The following TOX variants were observed in gnomAD, a reference collection of about 807,000 sequenced individuals.
The protein encoded by TOX is thymocyte selection-associated high mobility group box protein TOX.
TOX carries 11 observed loss-of-function variants against 53.7 expected under a neutral mutation model. The observed-to-expected ratio is 0.20, with a 90% confidence interval of 0.13 to 0.34. TOX has a LOEUF of 0.34. Among genes scored for constraint, TOX ranks in the 10% least tolerant of loss-of-function variants. The pLI is 1.00. For synonymous variants in TOX, 225 were observed against 245.3 expected (o/e 0.92, Z 0.77); for missense variants, 570 against 664.6 (o/e 0.86, Z 1.56).
chr8:58,822,710 C>T (rs532655983), intron 6 of TOX, among the ~76,000 whole-genome samples: 1 of 152,310 alleles, frequency 6.6e-6, no homozygotes, highest in South Asian at 2.1e-4. Flanking sequence ...TTAGCTGTTT[C>T]CTATGTAAGA....
At chr8:59,093,428 A>G (rs1389380712) in intron 1 of TOX, among the ~76,000 whole-genome samples, 1 of 152,244 alleles carries the variant, frequency 6.6e-6, no homozygotes, top group Non-Finnish European at 1.5e-5. Flanking sequence ...CTGAATGATT[A>G]TTAATGTACT....
rs960825033 is a variant in TOX at position 59,118,503 on chromosome 8, G to A, written c.102+383C>T. Among the ~76,000 whole-genome samples the A allele has an allele frequency of 8.5e-5, 13 of 152,112 alleles. No individual in the cohort carries two copies. The highest frequency in any genetic ancestry group is 2.9e-4 in the African/African-American group (12 of 41,438). On this transcript the variant is annotated intron_variant, in intron 1 of 8. Coordinates refer to ENST00000361421, the MANE Select transcript of TOX (RefSeq NM_014729.3). The surrounding 1 kb of genome is among the most constrained non-coding windows in gnomAD (Gnocchi z 4.1). ...CGGGGAGGGAGGGAGAGAGAAGGGG[G>A]AACTGGGAAATAAACTGAATTCTCT...
Position 59,009,344 on chromosome 8 carries a change from C to T in TOX, c.103-49336G>A, listed in dbSNP as rs1041011000. Among the ~76,000 whole-genome samples the T allele has an allele frequency of 2.7e-5, 4 of 149,974 alleles. No homozygotes were observed. In the East Asian group the frequency reaches 7.8e-4, roughly 29 times the overall value. Reference sequence around the variant, plus strand: ...CTTCTTTCCTTCCTTCCTTCCTTTCCTTCCCTCCTTTCTTTCTCTCTTTCT... The same window carrying T: ...CTTCTTTCCTTCCTTCCTTCCTTTCTTTCCCTCCTTTCTTTCTCTCTTTCT... On this transcript the variant is annotated intron_variant, in intron 1 of 8. Transcript: ENST00000361421.
At chr8:59,090,742 A>G (rs778495690) in intron 1 of TOX, among the ~76,000 whole-genome samples, 41 of 152,038 alleles carry the variant, frequency 2.7e-4, no homozygotes, top group Non-Finnish European at 5.0e-4. Context: ...CATCTCTTCA[A>G]GGCCACTAGC....
chr8:58,980,869 G>A (rs1001535337), intron 1 of TOX, among the ~76,000 whole-genome samples: 81 of 152,158 alleles, frequency 5.3e-4, no homozygotes, highest in African/African-American at 2.0e-3. Context: ...GTGAGAACTC[G>A]TTCCTGCCAG....
chr8:58,966,383 A>G (rs780706782), intron 1 of TOX, among the ~76,000 whole-genome samples: 1 of 152,160 alleles, frequency 6.6e-6, no homozygotes, highest in Non-Finnish European at 1.5e-5. Flanking sequence ...GTGCATTCCA[A>G]CTCAGGAGCA....
At chr8:58,809,090 T>C (rs1810036310) in intron 7 of TOX, among the ~76,000 whole-genome samples, 1 of 152,182 alleles carries the variant, frequency 6.6e-6, no homozygotes, top group African/African-American at 2.4e-5. Flanking sequence ...CAAAAAGCAT[T>C]CTATACTAAG....
chr8:58,879,285 C>A (rs996992858), intron 3 of TOX, among the ~76,000 whole-genome samples: 4 of 152,070 alleles, frequency 2.6e-5, no homozygotes, highest in African/African-American at 4.8e-5. Flanking sequence ...CTATGGCAAT[C>A]TATTTTAGAT....
chr8:58,920,945 G>A (rs1812062924), intron 3 of TOX, among the ~76,000 whole-genome samples: 1 of 152,102 alleles, frequency 6.6e-6, no homozygotes, highest in African/African-American at 2.4e-5. Flanking sequence ...CTTGAGATAA[G>A]ATTGTGAAGA....
intron 3 of TOX, among the ~76,000 whole-genome samples, chr8:58,933,373 G>C (rs1812289981): frequency 1.3e-5 from 2 of 152,160 alleles, no homozygotes; most frequent in Admixed American, 1.3e-4. Flanking sequence ...TTTTTCTTCA[G>C]CCATGAATAC....
At chr8:59,064,551 A>T (rs1005988080) in intron 1 of TOX, among the ~76,000 whole-genome samples, 1 of 152,252 alleles carries the variant, frequency 6.6e-6, no homozygotes, top group African/African-American at 2.4e-5. Flanking sequence ...CTAGAAATCT[A>T]TTAATGTAGT....
At chr8:58,996,773 C>G (rs764683174) in intron 1 of TOX, among the ~76,000 whole-genome samples, 19 of 152,208 alleles carry the variant, frequency 1.2e-4, no homozygotes, top group Non-Finnish European at 2.8e-4. Context: ...TTAATTAAAA[C>G]AGCAACAATG....
rs971769700 is a variant in TOX at position 59,087,801 on chromosome 8, T to C, written c.102+31085A>G. Among the ~76,000 whole-genome samples the C allele has an allele frequency of 3.3e-5, 5 of 152,214 alleles. No individual in the cohort carries two copies. The East Asian group carries it at 9.6e-4, about 29-fold the overall frequency. ...GACCTACCACATGCCTTCCCAGTTA[T>C]GGGGTTTGATTTCAGAAGATAATAA... On this transcript the variant is annotated intron_variant, in intron 1 of 8. Coordinates refer to ENST00000361421, the MANE Select transcript of TOX (RefSeq NM_014729.3).
intron 3 of TOX, among the ~76,000 whole-genome samples, chr8:58,874,209 C>T (rs1166097552): frequency 6.6e-6 from 1 of 151,474 alleles, no homozygotes; most frequent in South Asian, 2.1e-4. Context: ...CTCTCTCTGC[C>T]CCCTGCCCTT....
chr8:58,955,937 G>A (rs1036837223), intron 2 of TOX, among the ~76,000 whole-genome samples: 2 of 151,944 alleles, frequency 1.3e-5, no homozygotes, highest in African/African-American at 4.8e-5. Flanking sequence ...GCTTTGCTAT[G>A]TTGGCCAGGC....
chr8:58,922,606 G>A (rs529830571), intron 3 of TOX, among the ~76,000 whole-genome samples: 38 of 152,048 alleles, frequency 2.5e-4, no homozygotes, highest in African/African-American at 8.7e-4. Flanking sequence ...AATACTAAGG[G>A]CATGCCTTCT....
At chr8:58,948,346 T>C (rs1046790335) in intron 2 of TOX, among the ~76,000 whole-genome samples, 5 of 152,196 alleles carry the variant, frequency 3.3e-5, no homozygotes, top group Admixed American at 2.6e-4. Context: ...CATAATTCAT[T>C]AATGATACCA....
At chr8:58,854,936 A>G (rs1810889553) in intron 3 of TOX, among the ~76,000 whole-genome samples, 1 of 152,188 alleles carries the variant, frequency 6.6e-6, no homozygotes, top group Non-Finnish European at 1.5e-5. Flanking sequence ...AATTAGTTAG[A>G]TCATGCAAGT....
At chr8:59,067,782 C>T (rs765073504) in intron 1 of TOX, among the ~76,000 whole-genome samples, 3 of 151,626 alleles carry the variant, frequency 2.0e-5, no homozygotes, top group South Asian at 2.1e-4. Flanking sequence ...GGTTAAAAAA[C>T]GAAGACTCCA....
Sources: gnomAD v4.1 joint callset for allele counts (sites outside exome capture counted in the v4.1 genomes callset) on GRCh38, gnomAD v4.1.1 for gene constraint, Gnocchi (gnomAD v3.1) non-coding constraint, MANE v1.5 for transcripts, NCBI Gene and HGNC (gene_info 2026-07-23, HGNC 2026-07-21) for gene names.